The following GALNT12 variants were observed in gnomAD, a reference collection of about 807,000 sequenced individuals.
The protein encoded by GALNT12 is polypeptide N-acetylgalactosaminyltransferase 12, also known as UDP-GalNAc:polypeptide N-acetylgalactosaminyltransferase 12.
In GALNT12, 45 loss-of-function variants were observed where a neutral mutation model predicts 55.5. The ratio of observed to expected loss-of-function variants is 0.81; its 90% CI spans 0.64 to 1.04. The LOEUF is 1.04. GALNT12 is among the 50% of genes least tolerant of loss of function. The probability of loss-of-function intolerance (pLI) is 0.00; values close to 1 mark genes in which losing one functional copy is unlikely to be tolerated. For synonymous variants in GALNT12, 304 were observed against 312.2 expected (o/e 0.97, Z 0.28); for missense variants, 709 against 754.8 (o/e 0.94, Z 0.71).
chr9:98,836,261 A>G (rs1389320202), intron 5 of GALNT12, among the ~76,000 whole-genome samples: 1 of 152,208 alleles, frequency 6.6e-6, no homozygotes, highest in East Asian at 1.9e-4. Context: ...TTAAGCATCA[A>G]AACTTTGTGT....
intron 7 of GALNT12, 116 bp from the exon 8 acceptor site, chr9:98,843,980 C>A: frequency 1.4e-6 from 1 of 734,032 alleles, no homozygotes; most frequent in Admixed American, 2.0e-5. Context: ...CTTACCTTTG[C>A]GTCTAGCTCT....
Position 98,836,447 on chromosome 9 carries a change from C to T in GALNT12, c.1036-525C>T, listed in dbSNP as rs1836147971. ...CCCATCTTTGGGAAAATGAGATATT[C>T]AAGGCTGTCAGTCCCAGTGTGAGAT... On this transcript the variant is annotated intron_variant, in intron 5 of 9. Coordinates refer to ENST00000375011, the MANE Select transcript of GALNT12 (RefSeq NM_024642.5). Among the ~76,000 whole-genome samples the T allele has an allele frequency of 2.6e-5, 4 of 152,294 alleles. No homozygotes were observed. The South Asian group carries it at 6.2e-4, about 24-fold the overall frequency.
At chr9:98,808,104 C>A in intron 1 of GALNT12, 35 bp downstream of exon 1, 1 of 1,518,376 alleles carries the variant, frequency 6.6e-7, no homozygotes, top group Non-Finnish European at 8.9e-7. Context: ...AGCCCGCCCT[C>A]AGAGCCCCGG....
Position 98,807,697 on chromosome 9 carries a change from G to A in GALNT12, c.-2G>A, listed in dbSNP as rs895560383. 1 of 1,141,622 alleles carries A rather than the reference G, an allele frequency of 8.8e-7. No homozygotes were observed. Among genetic ancestry groups the A allele is most frequent in the Non-Finnish European group, 1.1e-6 (1 of 932,266 alleles). 70.7% of individuals were successfully genotyped at this position (1,141,622 alleles called of 1,614,324 possible). ...AGATCGCTGGCTGCAGTTGGCGGGC[G>A]CATGTGGGGGCGCACGGCGCGGCGG... On this transcript the variant is annotated 5_prime_UTR_variant, in exon 1 of 10. Coordinates refer to ENST00000375011, the MANE Select transcript of GALNT12 (RefSeq NM_024642.5).
chr9:98,835,721 T>C (rs1322938489), intron 5 of GALNT12, among the ~76,000 whole-genome samples: 2 of 152,074 alleles, frequency 1.3e-5, no homozygotes, highest in Admixed American at 6.6e-5. Context: ...TTTCAAACTT[T>C]GACAGATGTA....
intron 8 of GALNT12, 58 bp from the exon 9 acceptor site, chr9:98,845,919 T>G (rs1836401029): frequency 1.3e-6 from 2 of 1,593,272 alleles, no homozygotes; most frequent in Non-Finnish European, 1.7e-6. Flanking sequence ...CCAGCGATCT[T>G]TCCTCTTCCC....
intron 7 of GALNT12, among the ~76,000 whole-genome samples, chr9:98,841,969 T>A (rs890497080): frequency 2.0e-5 from 3 of 152,154 alleles, no homozygotes; most frequent in African/African-American, 4.8e-5. Context: ...TGAGCCACCA[T>A]GCCCGGCCAA....
intron 1 of GALNT12, 21 bp downstream of exon 1, chr9:98,808,090 A>G: frequency 1.3e-6 from 2 of 1,548,260 alleles, no homozygotes; most frequent in Middle Eastern, 2.1e-4. Context: ...AGCTCTGGGG[A>G]GGAAGCCCGC....
chr9:98,837,228 G>T, intron 6 of GALNT12, 80 bp downstream of exon 6: 5 of 1,348,872 alleles, frequency 3.7e-6, no homozygotes, highest in Non-Finnish European at 5.3e-6. Flanking sequence ...CAACATAGTC[G>T]ATCTGGTTCC....
chr9:98,843,078 C>T (rs1247263494), intron 7 of GALNT12, among the ~76,000 whole-genome samples: 6 of 152,136 alleles, frequency 3.9e-5, no homozygotes, highest in South Asian at 2.1e-4. Flanking sequence ...AAAGGAAATT[C>T]GTATTTTTGA....
intron 1 of GALNT12, among the ~76,000 whole-genome samples, chr9:98,816,519 C>T (rs1291869768): frequency 2.0e-5 from 3 of 152,074 alleles, no homozygotes; most frequent in Admixed American, 6.5e-5. Flanking sequence ...CTCACTTCAC[C>T]GTCCTTATTG....
chr9:98,814,055 A>G (rs1835558294), intron 1 of GALNT12, among the ~76,000 whole-genome samples: 1 of 152,212 alleles, frequency 6.6e-6, no homozygotes, highest in Non-Finnish European at 1.5e-5. Context: ...AACTGAGTTC[A>G]GGTTATTCTG....
At chr9:98,814,330 G>T (rs907014322) in intron 1 of GALNT12, among the ~76,000 whole-genome samples, 1 of 152,096 alleles carries the variant, frequency 6.6e-6, no homozygotes, top group East Asian at 1.9e-4. Context: ...TGTACATCAC[G>T]ATCTCCTTGG....
At chr9:98,828,186 G>A (rs781736800) in intron 3 of GALNT12, among the ~76,000 whole-genome samples, 3 of 152,186 alleles carry the variant, frequency 2.0e-5, no homozygotes, top group Non-Finnish European at 4.4e-5. Flanking sequence ...GGTTGTTAGG[G>A]TTGTCTGAAA....
At chr9:98,809,116 A>G (rs770895362) in intron 1 of GALNT12, among the ~76,000 whole-genome samples, 12 of 152,136 alleles carry the variant, frequency 7.9e-5, no homozygotes, top group Non-Finnish European at 1.8e-4. Context: ...TGGAGGGACT[A>G]TGGCCCTTCT....
chr9:98,842,912 TTC>T (rs1418338921), intron 7 of GALNT12, among the ~76,000 whole-genome samples: 1 of 152,078 alleles, frequency 6.6e-6, no homozygotes, highest in Non-Finnish European at 1.5e-5. Context: ...GCATTTTACA[TTC>T]TTTTTTCATA....
chr9:98,846,296 G>A (rs1174557778), intron 9 of GALNT12, among the ~76,000 whole-genome samples, 173 bp downstream of exon 9: 1 of 152,122 alleles, frequency 6.6e-6, no homozygotes, highest in Non-Finnish European at 1.5e-5. Flanking sequence ...GGGGGGCGGT[G>A]ATGGCAGGAG....
intron 1 of GALNT12, among the ~76,000 whole-genome samples, chr9:98,813,688 C>T (rs547389364): frequency 3.9e-5 from 6 of 152,072 alleles, no homozygotes; most frequent in South Asian, 2.1e-4. Context: ...TTAGTAGAAA[C>T]GGGGTTTCAC....
rs1485334434 is a variant in GALNT12 at position 98,844,081 on chromosome 9, TTA to T, written c.1345-13_1345-12del. On this transcript the variant is annotated splice_polypyrimidine_tract_variant and intron_variant, in intron 7 of 9. Coordinates refer to ENST00000375011, the MANE Select transcript of GALNT12 (RefSeq NM_024642.5). ...ATAAATCTGGACTGAAATGCCACAT[TTA>T]TGTTTTATTTAGCTCCAGAACAAAG... 3.8e-6 allele frequency: 6 copies of T among 1,564,802 alleles called. No homozygotes were observed. In the African/African-American group the frequency reaches 8.1e-5, roughly 21 times the overall value.
Sources: gnomAD v4.1 joint callset for allele counts (sites outside exome capture counted in the v4.1 genomes callset) on GRCh38, gnomAD v4.1.1 for gene constraint, MANE v1.5 for transcripts, NCBI Gene and HGNC (gene_info 2026-07-23, HGNC 2026-07-21) for gene names.